The following EPS15 variants were observed in gnomAD, a reference collection of about 807,000 sequenced individuals.
EPS15 encodes the protein epidermal growth factor receptor substrate 15.
Under a neutral mutation model 113.8 loss-of-function variants are expected in EPS15, and 72 were observed. The ratio of observed to expected loss-of-function variants is 0.63; its 90% CI spans 0.52 to 0.77. The LOEUF (loss-of-function observed/expected upper bound fraction) is 0.77. Among genes scored for constraint, EPS15 ranks in the 30% least tolerant of loss-of-function variants. The pLI is 0.00. For missense variants in EPS15, 1,048 were observed against 1,045.8 expected (o/e 1.00, Z -0.03); for synonymous variants, 344 against 363.4 (o/e 0.95, Z 0.61).
chr1:51,448,380 A>C (rs1486377567), intron 8 of EPS15, among the ~76,000 whole-genome samples: 1 of 152,206 alleles, frequency 6.6e-6, no homozygotes, highest in African/African-American at 2.4e-5. Flanking sequence ...CCCTTCAACT[A>C]AAGTTCTTGC....
In EPS15 at chr1:51,421,792, C is replaced by T. The variant is rs1253532936; in HGVS notation, c.1107G>A (p.Glu369=). 2 of 1,579,144 alleles carry T rather than the reference C, an allele frequency of 1.3e-6. No individual in the cohort carries two copies. Among genetic ancestry groups the T allele is most frequent in the African/African-American group, 1.3e-5 (1 of 74,414 alleles). Residue 369 remains glutamate, a synonymous_variant, in exon 13 of 25, where the codon GAG becomes GAA. Transcript: ENST00000371733. ...AAATTTTATGGTCACTTACCTGAAC[C>T]TCACTTGTCCTCTGTTTAATAGTAT... ...KEDTIKQRTS[E]VQDLQDEVQR... is the part of the protein sequence containing the mutation.
At position 51,361,190 on chromosome 1, in the gene EPS15, T is replaced by C. The variant is rs763660782; in HGVS notation, c.2525A>G (p.Asn842Ser). ...TTTNKEADPS[N>S]FANFSAYPSE... is the part of the protein sequence containing the mutation. Reference sequence around the variant, plus strand: ...ACTTACAGCACTGAAGTTGGCAAAATTGCTTGGATCAGCCTCTTTATTGGT... The same window carrying C: ...ACTTACAGCACTGAAGTTGGCAAAACTGCTTGGATCAGCCTCTTTATTGGT... Residue 842 changes from asparagine to serine, a missense_variant, in exon 24 of 25, where the codon AAT becomes AGT. Coordinates refer to ENST00000371733, the MANE Select transcript of EPS15 (RefSeq NM_001981.3). 4.3e-6 allele frequency: 7 copies of C among 1,613,962 alleles called. No individual in the cohort carries two copies. The highest frequency in any genetic ancestry group is 1.7e-5 in the Admixed American group (1 of 60,014).
At chr1:51,511,971 A>G (rs1644629346) in intron 1 of EPS15, among the ~76,000 whole-genome samples, 1 of 152,220 alleles carries the variant, frequency 6.6e-6, no homozygotes, top group Non-Finnish European at 1.5e-5. Context: ...TACCACATAA[A>G]AACAAGTTTT....
At chr1:51,491,105 G>C (rs1034626234) in intron 1 of EPS15, among the ~76,000 whole-genome samples, 1 of 152,168 alleles carries the variant, frequency 6.6e-6, no homozygotes, top group African/African-American at 2.4e-5. Flanking sequence ...GTAGTAAAAG[G>C]AAGACAATGG....
At chr1:51,434,745 C>T (rs994899260) in intron 12 of EPS15, among the ~76,000 whole-genome samples, 7 of 152,196 alleles carry the variant, frequency 4.6e-5, no homozygotes, top group African/African-American at 1.7e-4. Flanking sequence ...AATCTCGGCT[C>T]ACCGTAACCT....
intron 8 of EPS15, among the ~76,000 whole-genome samples, chr1:51,450,309 A>C (rs1389963030): frequency 1.3e-5 from 2 of 151,808 alleles, no homozygotes; most frequent in Non-Finnish European, 2.9e-5. Flanking sequence ...GTAATTTATA[A>C]AGAAAACAGG....
At chr1:51,473,692 G>T (rs1655404150) in intron 2 of EPS15, among the ~76,000 whole-genome samples, 1 of 152,126 alleles carries the variant, frequency 6.6e-6, no homozygotes, top group African/African-American at 2.4e-5. Flanking sequence ...ATTTTAAAAA[G>T]TCATGGGAAA....
At chr1:51,477,319 TTG>T (rs1437885506) in intron 2 of EPS15, among the ~76,000 whole-genome samples, 1 of 152,148 alleles carries the variant, frequency 6.6e-6, no homozygotes, top group Non-Finnish European at 1.5e-5. Context: ...TCATTTTTTA[TTG>T]TGTCTATTTG....
chr1:51,359,750 CAA>C (rs761756104), intron 24 of EPS15, among the ~76,000 whole-genome samples: 9 of 125,080 alleles, frequency 7.2e-5, no homozygotes, highest in African/African-American at 1.2e-4. Context: ...AAACTCATCT[CAA>C]AAAAAAAAAA....
chr1:51,360,345 G>C (rs1443516314), intron 24 of EPS15, among the ~76,000 whole-genome samples: 2 of 152,164 alleles, frequency 1.3e-5, no homozygotes, highest in Non-Finnish European at 2.9e-5. Context: ...CCCGGTCTAA[G>C]AATTTTATTA....
At chr1:51,400,447 C>A (rs1648404421) in intron 19 of EPS15, among the ~76,000 whole-genome samples, 1 of 152,048 alleles carries the variant, frequency 6.6e-6, no homozygotes, top group Non-Finnish European at 1.5e-5. Flanking sequence ...GTAATCGCAG[C>A]ACTTTGGGAG....
chr1:51,427,241 C>A (rs972252873), intron 12 of EPS15, among the ~76,000 whole-genome samples: 1 of 152,092 alleles, frequency 6.6e-6, no homozygotes, highest in African/African-American at 2.4e-5. Context: ...CTTTACAAAC[C>A]ATATATGGGA....
At chr1:51,455,297 A>G (rs551939956) in intron 8 of EPS15, among the ~76,000 whole-genome samples, 16 of 151,750 alleles carry the variant, frequency 1.1e-4, no homozygotes, top group Non-Finnish European at 1.9e-4. Flanking sequence ...TCATAACAGA[A>G]AAATTTGGCC....
chr1:51,389,885 ACTGCCC>A (rs1280422455), intron 21 of EPS15, among the ~76,000 whole-genome samples: 8 of 152,240 alleles, frequency 5.3e-5, no homozygotes, highest in Non-Finnish European at 7.3e-5. Flanking sequence ...AAATGGCCAT[ACTGCCC>A]AAGGTAATTT....
chr1:51,510,717 T>C (rs1382013585), intron 1 of EPS15, among the ~76,000 whole-genome samples: 1 of 152,226 alleles, frequency 6.6e-6, no homozygotes, highest in Non-Finnish European at 1.5e-5. Flanking sequence ...AATTTCAGGT[T>C]GCCTTCTCAT....
At chr1:51,507,917 C>A (rs1644525975) in intron 1 of EPS15, among the ~76,000 whole-genome samples, 3 of 152,036 alleles carry the variant, frequency 2.0e-5, no homozygotes, top group Non-Finnish European at 4.4e-5. Flanking sequence ...GTGGCTCACG[C>A]CTGTATTTCC....
chr1:51,391,296 A>T (rs915272739), intron 21 of EPS15, among the ~76,000 whole-genome samples: 4 of 152,024 alleles, frequency 2.6e-5, no homozygotes, highest in African/African-American at 9.7e-5. Flanking sequence ...GGGGAACATC[A>T]CACACCATGG....
In EPS15 at chr1:51,391,982, C is replaced by G. The variant is rs569384071; in HGVS notation, c.2119+2399G>C. On this transcript the variant is annotated intron_variant, in intron 21 of 24. Transcript: ENST00000371733. ...CCTGGGGTTCAGGAAAGAGATGTGACTAGAGATATAGATCAGTGTATCAGT... is the reference window on the plus strand; with the variant it reads ...CCTGGGGTTCAGGAAAGAGATGTGAGTAGAGATATAGATCAGTGTATCAGT... Among the ~76,000 whole-genome samples, 6 of 152,136 alleles carry G rather than the reference C, an allele frequency of 3.9e-5. No individual in the cohort carries two copies. The South Asian group carries it at 1.2e-3, about 32-fold the overall frequency.
At chr1:51,444,806 T>G in intron 11 of EPS15, 83 bp downstream of exon 11, 1 of 1,326,360 alleles carries the variant, frequency 7.5e-7, no homozygotes, top group Admixed American at 1.9e-5. Context: ...TCTCTTCTAT[T>G]TCATCCAAAT....
Sources: gnomAD v4.1 joint callset for allele counts (sites outside exome capture counted in the v4.1 genomes callset) on GRCh38, gnomAD v4.1.1 for gene constraint, MANE v1.5 for transcripts, NCBI Gene and HGNC (gene_info 2026-07-23, HGNC 2026-07-21) for gene names.